The following CWF19L2 variants were observed in gnomAD, a reference collection of about 807,000 sequenced individuals.
The protein encoded by CWF19L2 is CWF19 like cell cycle control factor 2, also known as CWF19-like protein 2.
In CWF19L2, 98 loss-of-function variants were observed where a neutral mutation model predicts 111.7. The ratio of observed to expected loss-of-function variants is 0.88; its 90% CI spans 0.75 to 1.04. The LOEUF (loss-of-function observed/expected upper bound fraction) is 1.04, where lower values mean the gene tolerates loss of function less well. CWF19L2 is among the 50% of genes least tolerant of loss of function. The pLI, the probability that CWF19L2 is intolerant of heterozygous loss-of-function variation, is 0.00. For missense variants in CWF19L2, 1,101 were observed against 1,051.4 expected (o/e 1.05, Z -0.65); for synonymous variants, 351 against 342.9 (o/e 1.02, Z -0.26).
chr11:107,330,634 A>ACC (rs1555013284), intron 16 of CWF19L2, among the ~76,000 whole-genome samples: 7 of 105,422 alleles, frequency 6.6e-5, no homozygotes, highest in African/African-American at 2.8e-4. Context: ...CTCTACACAC[A>ACC]CCCCCCCCAC....
intron 6 of CWF19L2, among the ~76,000 whole-genome samples, chr11:107,435,594 A>G (rs1861530071): frequency 6.6e-6 from 1 of 152,166 alleles, no homozygotes; most frequent in Non-Finnish European, 1.5e-5. Flanking sequence ...CAATTCCTTC[A>G]CTAGTTAAAT....
intron 3 of CWF19L2, among the ~76,000 whole-genome samples, chr11:107,453,662 GCT>G (rs1861811998): frequency 6.6e-6 from 1 of 151,462 alleles, no homozygotes; most frequent in South Asian, 2.1e-4. Context: ...AGTAAAGGGG[GCT>G]CTGTCTTGCG....
At chr11:107,454,839 A>C (rs544165456) in intron 2 of CWF19L2, among the ~76,000 whole-genome samples, 36 of 152,322 alleles carry the variant, frequency 2.4e-4, no homozygotes, top group African/African-American at 8.2e-4. Flanking sequence ...GATTAATGTG[A>C]CAAATATAAT....
intron 12 of CWF19L2, among the ~76,000 whole-genome samples, chr11:107,367,886 A>G (rs1194803186): frequency 7.3e-6 from 1 of 137,866 alleles, no homozygotes; most frequent in Non-Finnish European, 1.6e-5. Context: ...CTGAAACTTT[A>G]CTGAATTTTT....
At chr11:107,365,626 G>T (rs143404552) in intron 12 of CWF19L2, among the ~76,000 whole-genome samples, 2 of 77,388 alleles carry the variant, frequency 2.6e-5, no homozygotes, top group African/African-American at 7.1e-5. Context: ...ATTCAACAAC[G>T]CTTCATGCTA....
At chr11:107,339,330 T>A (rs1859972214) in intron 14 of CWF19L2, among the ~76,000 whole-genome samples, 1 of 152,188 alleles carries the variant, frequency 6.6e-6, no homozygotes, top group South Asian at 2.1e-4. Flanking sequence ...ATAACTCCAT[T>A]TCTCTGGAAT....
Position 107,402,887 on chromosome 11 carries a change from A to G in CWF19L2, c.1618-9992T>C, listed in dbSNP as rs920706913. Among the ~76,000 whole-genome samples the G allele has an allele frequency of 2.6e-4, 33 of 127,898 alleles. 1 individual carries two copies. The highest frequency in any genetic ancestry group is 4.8e-4 in the Admixed American group (6 of 12,392). The allele number at this position is 127,898 out of a possible 152,430, so 83.9% of individuals were successfully genotyped here. A position where few individuals can be genotyped will look rare whatever the true frequency, so the allele number is the denominator to read the frequency against. On this transcript the variant is annotated intron_variant, in intron 10 of 17. Transcript: ENST00000282251. Reference sequence around the variant, plus strand: ...AACTGTGGTGTGTATATATATATATATATATATATATATATAATGGAATAC... The same window carrying G: ...AACTGTGGTGTGTATATATATATATGTATATATATATATATAATGGAATAC...
intron 14 of CWF19L2, among the ~76,000 whole-genome samples, chr11:107,344,976 T>C (rs1591153042): frequency 6.6e-6 from 1 of 152,158 alleles, no homozygotes; most frequent in Non-Finnish European, 1.5e-5. Flanking sequence ...GGGTAGCAGG[T>C]GGGAGTGCTA....
At chr11:107,444,277 T>G (rs1357118472) in intron 3 of CWF19L2, among the ~76,000 whole-genome samples, 1 of 152,128 alleles carries the variant, frequency 6.6e-6, no homozygotes, top group African/African-American at 2.4e-5. Context: ...ATACATCTAC[T>G]GTCCCCATTA....
Position 107,433,743 on chromosome 11 carries a change from A to T in CWF19L2, c.671T>A (p.Val224Glu). 6.5e-7 allele frequency: 1 copy of T among 1,528,304 alleles called. No individual in the cohort carries two copies. The highest frequency in any genetic ancestry group is 1.2e-5 in the South Asian group (1 of 82,834). The allele number at this position is 1,528,304 out of a possible 1,614,324, so 94.7% of individuals were successfully genotyped here. The change falls in exon 7 of 18, where the codon GTG (valine) becomes GAG (glutamate). Residue 224 changes from valine to glutamate, a missense_variant. Coordinates refer to ENST00000282251, the MANE Select transcript of CWF19L2 (RefSeq NM_152434.3). ...CSVSSITKVS[V>E]VEDGGLSWLR... ...CCAGCTTAATCCACCATCTTCTACCACTGAAACTAAATTCCAGTATTAAAT... is the reference window on the plus strand; with the variant it reads ...CCAGCTTAATCCACCATCTTCTACCTCTGAAACTAAATTCCAGTATTAAAT...
chr11:107,417,754 G>A (rs1364699378), intron 9 of CWF19L2, among the ~76,000 whole-genome samples: 9 of 101,460 alleles, frequency 8.9e-5, no homozygotes. Flanking sequence ...AGAAAGGTTC[G>A]AGAATTTTTT....
Position 107,376,169 on chromosome 11 carries a change from A to G in CWF19L2, c.1872+13905T>C, listed in dbSNP as rs374075423. On this transcript the variant is annotated intron_variant, in intron 12 of 17. Coordinates refer to ENST00000282251, the MANE Select transcript of CWF19L2 (RefSeq NM_152434.3). ...TCCAGGACCAGATGGATTCACAGCCAAATTCTACCAGAGGTACAAGGAGGA... is the reference window on the plus strand; with the variant it reads ...TCCAGGACCAGATGGATTCACAGCCGAATTCTACCAGAGGTACAAGGAGGA... Among the ~76,000 whole-genome samples, 151 of 126,300 alleles carry G rather than the reference A, an allele frequency of 1.2e-3. 1 individual carries two copies. In the East Asian group the frequency reaches 0.021, roughly 18 times the overall value. The allele number at this position is 126,300 out of a possible 152,430, so 82.9% of individuals were successfully genotyped here.
rs1163522379 is a variant in CWF19L2, at chr11:107,367,238, A to G, written c.1873-13502T>C. On this transcript the variant is annotated intron_variant, in intron 12 of 17. Transcript: ENST00000282251. ...TTTTACACTGTTGGTGGGACTGTCAACTAGTTCAACCATTGTGGAAGTCAG... is the reference window on the plus strand; with the variant it reads ...TTTTACACTGTTGGTGGGACTGTCAGCTAGTTCAACCATTGTGGAAGTCAG... Among the ~76,000 whole-genome samples the G allele has an allele frequency of 1.6e-4, 22 of 133,686 alleles. 4 individuals carry two copies. Among genetic ancestry groups the G allele is most frequent in the Non-Finnish European group, 3.0e-4 (19 of 62,382 alleles). 87.7% of individuals were successfully genotyped at this position (133,686 alleles called of 152,430 possible).
intron 14 of CWF19L2, among the ~76,000 whole-genome samples, chr11:107,344,770 A>G (rs1164169527): frequency 5.9e-5 from 9 of 152,190 alleles, no homozygotes; most frequent in African/African-American, 2.2e-4. Flanking sequence ...GTTATTTTCA[A>G]TTGAAATCTG....
intron 3 of CWF19L2, among the ~76,000 whole-genome samples, chr11:107,449,814 A>G (rs518580): frequency 0.18 from 27,041 of 152,040 alleles, 2,591 homozygotes; most frequent in Middle Eastern, 0.27. Context: ...AAAAATAGAA[A>G]AGGAATAACA....
rs988907890 is a variant in CWF19L2, at chr11:107,371,255, G to A, written c.1873-17519C>T. On this transcript the variant is annotated intron_variant, in intron 12 of 17. Coordinates refer to ENST00000282251, the MANE Select transcript of CWF19L2 (RefSeq NM_152434.3). ...CCTGACCTCGTGATCTGCCCGCCTCGGCCTCCCAAAGTGCTGGGATTACAG... is the reference window on the plus strand; with the variant it reads ...CCTGACCTCGTGATCTGCCCGCCTCAGCCTCCCAAAGTGCTGGGATTACAG... Among the ~76,000 whole-genome samples, 40 of 136,752 alleles carry A rather than the reference G, an allele frequency of 2.9e-4. 8 individuals are homozygous for A. The highest frequency in any genetic ancestry group is 8.5e-4 in the East Asian group (4 of 4,710). The allele number at this position is 136,752 out of a possible 152,430, so 89.7% of individuals were successfully genotyped here. A position where few individuals can be genotyped will look rare whatever the true frequency, so the allele number is the denominator to read the frequency against.
chr11:107,404,377 C>T, intron 10 of CWF19L2: 1 of 788,804 alleles, frequency 1.3e-6, no homozygotes, highest in Non-Finnish European at 2.3e-6. Flanking sequence ...TCATGTAGGG[C>T]ATCAGCAGCT....
intron 7 of CWF19L2, among the ~76,000 whole-genome samples, chr11:107,429,654 A>G (rs1861435787): frequency 6.6e-6 from 1 of 152,176 alleles, no homozygotes; most frequent in African/African-American, 2.4e-5. Context: ...TTAAATAACA[A>G]AAAGATTCCA....
intron 12 of CWF19L2, among the ~76,000 whole-genome samples, chr11:107,365,085 A>G (rs1860418445): frequency 7.8e-6 from 1 of 128,306 alleles, no homozygotes; most frequent in East Asian, 2.2e-4. Flanking sequence ...AGAAATGGAT[A>G]AATTCCTCGA....
Sources: allele counts gnomAD v4.1 joint callset (sites outside exome capture counted in the v4.1 genomes callset), GRCh38; gene constraint gnomAD v4.1.1; transcripts MANE v1.5; gene names NCBI Gene and HGNC (gene_info 2026-07-23, HGNC 2026-07-21).